The following RRH variants were observed in gnomAD, a reference collection of about 807,000 sequenced individuals.
RRH encodes retinal pigment epithelium-derived rhodopsin homolog.
In RRH, 36 loss-of-function variants were observed where a neutral mutation model predicts 33.1. That is an observed-to-expected ratio of 1.09 (90% CI 0.83 to 1.44). RRH has a LOEUF of 1.44. Among genes scored for constraint, RRH ranks in the 40% most tolerant of loss-of-function variants. The pLI is 0.00. For missense variants in RRH, 393 were observed against 420.2 expected (o/e 0.94, Z 0.57); for synonymous variants, 124 against 140.2 (o/e 0.88, Z 0.82).
Position 109,836,891 on chromosome 4 carries a change from C to CAAAAAAAAAAA in RRH, c.552-536_552-526dup, listed in dbSNP as rs56989659. Among the ~76,000 whole-genome samples the CAAAAAAAAAAA allele has an allele frequency of 1.4e-4, 12 of 84,402 alleles. 1 individual carries two copies. The South Asian group carries it at 1.9e-3, about 13-fold the overall frequency. 55.4% of individuals were successfully genotyped at this position (84,402 alleles called of 152,430 possible). Reference sequence around the variant, plus strand: ...GCAACATATTGAGACCCTGTCTCTACAAAAAAAAAAAAAAAAAAAAGCAGA... The same window carrying CAAAAAAAAAAA: ...GCAACATATTGAGACCCTGTCTCTACAAAAAAAAAAAAAAAAAAAAAAAAAAAAAAAGCAGA... On this transcript the variant is annotated intron_variant, in intron 4 of 6. Transcript: ENST00000317735.
At chr4:109,837,326 A>G (rs922925568) in intron 4 of RRH, 111 bp from the exon 5 acceptor site, 50 of 982,276 alleles carry the variant, frequency 5.1e-5, no homozygotes, top group Non-Finnish European at 7.8e-5. Context: ...TTCTAAAATT[A>G]TTTAGCAATA....
intron 1 of RRH, among the ~76,000 whole-genome samples, chr4:109,831,325 G>A (rs560156579): frequency 4.9e-4 from 75 of 152,214 alleles, no homozygotes; most frequent in African/African-American, 1.6e-3. Flanking sequence ...TGCTGTCATT[G>A]TGTGCTAATT....
At chr4:109,843,175 C>G (rs950467624) in intron 6 of RRH, among the ~76,000 whole-genome samples, 8 of 152,196 alleles carry the variant, frequency 5.3e-5, no homozygotes, top group African/African-American at 1.9e-4. Flanking sequence ...TTCTTACCTC[C>G]TCTCTTTTTT....
chr4:109,833,330 G>A lies in RRH; in HGVS notation c.297+1G>A, dbSNP rs763920450. On this transcript the variant is annotated splice_donor_variant, in intron 2 of 6. Coordinates refer to ENST00000317735, the MANE Select transcript of RRH (RefSeq NM_006583.5). LOFTEE classifies it high-confidence loss of function. ...GAAATTTGGATACGCAGGCTGTCAG[G>A]TATTGGAGATCATTGGAATGAAAGC... The A allele has an allele frequency of 6.2e-7, 1 of 1,612,996 alleles. No individual in the cohort carries two copies. The highest frequency in any genetic ancestry group is 8.5e-7 in the Non-Finnish European group (1 of 1,179,090).
At chr4:109,828,465 CTATG>C (rs1174453926) in intron 1 of RRH, among the ~76,000 whole-genome samples, 2 of 151,966 alleles carry the variant, frequency 1.3e-5, no homozygotes, top group Non-Finnish European at 2.9e-5. Flanking sequence ...TCATAAAAAT[CTATG>C]TATTTGATTA....
intron 5 of RRH, among the ~76,000 whole-genome samples, chr4:109,838,029 CT>C (rs1262130387): frequency 6.6e-6 from 1 of 152,208 alleles, no homozygotes; most frequent in Non-Finnish European, 1.5e-5. Flanking sequence ...ATCCACCTGC[CT>C]TGGCCTCCCA....
At chr4:109,841,175 C>T (rs893615717) in intron 5 of RRH, among the ~76,000 whole-genome samples, 2 of 152,070 alleles carry the variant, frequency 1.3e-5, no homozygotes, top group African/African-American at 4.8e-5. Flanking sequence ...TGATTGCCTG[C>T]TAAAATGATG....
intron 1 of RRH, among the ~76,000 whole-genome samples, chr4:109,829,162 C>CT (rs1553921117): frequency 9.0e-6 from 1 of 111,056 alleles, no homozygotes; most frequent in Non-Finnish European, 1.8e-5. Context: ...ACACACCATC[C>CT]TATACCCAGT....
At chr4:109,832,464 A>G (rs908228795) in intron 1 of RRH, among the ~76,000 whole-genome samples, 8 of 145,016 alleles carry the variant, frequency 5.5e-5, no homozygotes, top group Non-Finnish European at 9.0e-5. Flanking sequence ...TGGATAGTCA[A>G]GTCTTGTAGT....
intron 1 of RRH, among the ~76,000 whole-genome samples, chr4:109,830,278 G>C (rs1201375268): frequency 6.6e-6 from 1 of 152,094 alleles, no homozygotes; most frequent in Non-Finnish European, 1.5e-5. Flanking sequence ...AGACAGTGAT[G>C]AGCCGTGTAA....
Position 109,833,340 on chromosome 4 carries a change from T to C in RRH, c.297+11T>C. The C allele has an allele frequency of 6.2e-7, 1 of 1,609,074 alleles. No individual in the cohort carries two copies. Among genetic ancestry groups the C allele is most frequent in the Admixed American group, 1.7e-5 (1 of 59,988 alleles). ...TACGCAGGCTGTCAGGTATTGGAGA[T>C]CATTGGAATGAAAGCAAAATAAATA... is the stretch of plus-strand genomic sequence containing the variant. On this transcript the variant is annotated intron_variant, in intron 2 of 6. Transcript: ENST00000317735.
chr4:109,839,970 T>A (rs1046593416), intron 5 of RRH, among the ~76,000 whole-genome samples: 2 of 152,200 alleles, frequency 1.3e-5, no homozygotes, highest in Non-Finnish European at 2.9e-5. Context: ...TTATATTCCT[T>A]TGGGTATATA....
At chr4:109,843,935 G>T in intron 6 of RRH, 148 bp from the exon 7 acceptor site, 1 of 633,476 alleles carries the variant, frequency 1.6e-6, no homozygotes, top group Admixed American at 2.2e-5. Flanking sequence ...TATTTATAAA[G>T]GTTCTCAACA....
rs150011198 is a variant in RRH at position 109,839,500 on chromosome 4, C to T, written c.720+1895C>T. On this transcript the variant is annotated intron_variant, in intron 5 of 6. Coordinates refer to ENST00000317735, the MANE Select transcript of RRH (RefSeq NM_006583.5). ...TAAGTTCAGGGGTACATGTGCATGA[C>T]GTGTAGGTTTGTTACATAGGTAAAC... 2.7e-3 allele frequency among the ~76,000 whole-genome samples: 412 copies of T among 152,092 alleles called. 2 individuals are homozygous for T. The highest frequency in any genetic ancestry group is 4.5e-3 in the Non-Finnish European group (309 of 67,978).
chr4:109,842,225 T>C (rs1733997828), intron 5 of RRH, among the ~76,000 whole-genome samples: 1 of 152,160 alleles, frequency 6.6e-6, no homozygotes, highest in African/African-American at 2.4e-5. Context: ...GTGTGTACCA[T>C]TCTTAAAAGC....
intron 2 of RRH, among the ~76,000 whole-genome samples, chr4:109,834,449 C>T (rs1733835070): frequency 6.6e-6 from 1 of 151,246 alleles, no homozygotes; most frequent in South Asian, 2.1e-4. Flanking sequence ...CCTGCCTCAG[C>T]CTCCCGAGTA....
At chr4:109,831,481 GTTAAA>G (rs1473024480) in intron 1 of RRH, among the ~76,000 whole-genome samples, 10 of 152,162 alleles carry the variant, frequency 6.6e-5, no homozygotes, top group South Asian at 2.1e-4. Context: ...AAAAGTAACA[GTTAAA>G]TTATATAGTG....
intron 1 of RRH, among the ~76,000 whole-genome samples, chr4:109,832,332 G>A (rs1190252788): frequency 6.6e-6 from 1 of 150,892 alleles, no homozygotes; most frequent in African/African-American, 2.4e-5. Context: ...CTACCTCAGT[G>A]CAACCAATCT....
Position 109,835,399 on chromosome 4 carries a change from G to A in RRH, c.331G>A (p.Ala111Thr). 1 of 1,613,940 alleles carries A rather than the reference G, an allele frequency of 6.2e-7. No individual in the cohort carries two copies. Among genetic ancestry groups the A allele is most frequent in the South Asian group, 1.1e-5 (1 of 91,078 alleles). Residue 111 changes from alanine (A) to threonine (T), a missense_variant, in exon 3 of 7, where the codon GCA (alanine) becomes ACA (threonine). Coordinates refer to ENST00000317735, the MANE Select transcript of RRH (RefSeq NM_006583.5). ...TGGATTGAATATTTTTTTTGGAATGGCAAGCATTGGATTACTCACGGTCGT... is the reference window on the plus strand; with the variant it reads ...TGGATTGAATATTTTTTTTGGAATGACAAGCATTGGATTACTCACGGTCGT... ...YAGLNIFFGM[A>T]SIGLLTVVAV...
Sources: allele counts gnomAD v4.1 joint callset (sites outside exome capture counted in the v4.1 genomes callset), GRCh38; gene constraint gnomAD v4.1.1; transcripts MANE v1.5; gene names NCBI Gene and HGNC (gene_info 2026-07-23, HGNC 2026-07-21).